The following HMCN1 variants were observed in gnomAD, a reference collection of about 807,000 sequenced individuals.
HMCN1 encodes the protein hemicentin-1.
A neutral mutation model predicts 625.9 loss-of-function variants in HMCN1; 321 were observed. That is an observed-to-expected ratio of 0.51 (90% CI 0.47 to 0.56). The LOEUF is 0.56. HMCN1 is among the 20% of genes least tolerant of loss of function. The pLI, the probability that HMCN1 is intolerant of heterozygous loss-of-function variation, is 0.00. For missense variants in HMCN1, 6,588 were observed against 6,887.3 expected, an observed-to-expected ratio of 0.96 and a Z score of 1.54; for synonymous variants, 2,425 against 2,417.6, an observed-to-expected ratio of 1.00 and a Z score of -0.09.
chr1:186,142,832 C>A (rs933439067), intron 89 of HMCN1, among the ~76,000 whole-genome samples: 3 of 152,116 alleles, frequency 2.0e-5, no homozygotes, highest in African/African-American at 7.2e-5. Context: ...TGTTAACCCT[C>A]CAATTAAAAA....
chr1:185,942,547 G>C (rs1168399702), intron 11 of HMCN1, among the ~76,000 whole-genome samples: 2 of 152,126 alleles, frequency 1.3e-5, no homozygotes, highest in Admixed American at 6.5e-5. Context: ...TAAAATTTTG[G>C]GAGTTCATAT....
intron 19 of HMCN1, among the ~76,000 whole-genome samples, chr1:185,986,190 A>C (rs1651987832): frequency 6.6e-6 from 1 of 152,194 alleles, no homozygotes; most frequent in Non-Finnish European, 1.5e-5. Context: ...AAATTATCTA[A>C]AGAGTGAACC....
intron 105 of HMCN1, among the ~76,000 whole-genome samples, chr1:186,183,727 A>G (rs1452874602): frequency 6.6e-6 from 1 of 152,200 alleles, no homozygotes; most frequent in Non-Finnish European, 1.5e-5. Flanking sequence ...AATCAAGAGC[A>G]GAGGTAGGAC....
At chr1:186,159,789 A>G (rs181669889) in intron 97 of HMCN1, among the ~76,000 whole-genome samples, 1 of 152,290 alleles carries the variant, frequency 6.6e-6, no homozygotes, top group African/African-American at 2.4e-5. Context: ...CATGGTGGAT[A>G]AGCTTTTTGA....
At chr1:185,908,127 C>T (rs1408930248) in intron 4 of HMCN1, among the ~76,000 whole-genome samples, 3 of 151,322 alleles carry the variant, frequency 2.0e-5, no homozygotes. Context: ...CCTGGAAAAC[C>T]ATCTTGAACA....
At chr1:185,742,414 T>G (rs1654051530) in intron 1 of HMCN1, among the ~76,000 whole-genome samples, 1 of 143,220 alleles carries the variant, frequency 7.0e-6, no homozygotes, top group South Asian at 2.2e-4. Flanking sequence ...AAGAAATTCC[T>G]CCAGGACTTT....
At chr1:186,176,853 G>T (rs2102650371) in intron 103 of HMCN1, 1 of 152,500 alleles carries the variant, frequency 6.6e-6, no homozygotes, top group Admixed American at 6.5e-5. Flanking sequence ...GATCCAGGCA[G>T]CCTCTCTGAG....
rs756329481 is a variant in HMCN1 at position 186,187,959 on chromosome 1, G to C, written c.16491G>C (p.Gln5497His). The C allele has an allele frequency of 6.2e-7, 1 of 1,613,842 alleles. No individual in the cohort carries two copies. The highest frequency in any genetic ancestry group is 8.5e-7 in the Non-Finnish European group (1 of 1,179,812). ...GCTTCAACATGAGAGGAAGCTACCA[G>C]TGCATCGATACACCCTGTCCACCCA... is the stretch of plus-strand genomic sequence containing the variant. ...RMCFNMRGSY[Q>H]CIDTPCPPNY... The change falls in exon 106 of 107, where the codon CAG becomes CAC. Residue 5497 changes from glutamine to histidine, a missense_variant. By Grantham distance (24) the Gln-to-His change is conservative (BLOSUM62 0). This residue lies in a region of HMCN1 where 1,954 missense variants were observed against 2,013.1 expected (regional missense o/e 0.97). Coordinates refer to ENST00000271588, the MANE Select transcript of HMCN1 (RefSeq NM_031935.3).
chr1:186,052,148 G>A (rs899471242), intron 42 of HMCN1, among the ~76,000 whole-genome samples: 2 of 151,942 alleles, frequency 1.3e-5, no homozygotes, highest in African/African-American at 4.8e-5. Flanking sequence ...TAAAAAGAGA[G>A]AGAGAGAGAG....
intron 28 of HMCN1, among the ~76,000 whole-genome samples, chr1:186,003,235 T>C (rs1571697762): frequency 6.6e-6 from 1 of 152,132 alleles, no homozygotes; most frequent in Non-Finnish European, 1.5e-5. Flanking sequence ...GAATAAAAAC[T>C]AGCACATTAT....
In HMCN1 at chr1:186,145,407, T is replaced by C. The variant is rs779330913; in HGVS notation, c.14271T>C (p.His4757=). Residue 4757 remains histidine, a synonymous_variant, in exon 92 of 107, where the codon CAT becomes CAC. Transcript: ENST00000271588. ...DFCNSDPCPT[H]GNWSPWSGWG... is the part of the protein sequence containing the mutation. Reference sequence around the variant, plus strand: ...TCAGATTATTCTGTCTTGTAGCCCATGGTAACTGGAGTCCTTGGAGTGGCT... The same window carrying C: ...TCAGATTATTCTGTCTTGTAGCCCACGGTAACTGGAGTCCTTGGAGTGGCT... The C allele has an allele frequency of 3.2e-6, 5 of 1,573,392 alleles. No homozygotes were observed. The South Asian group carries it at 3.6e-5, about 11-fold the overall frequency.
At chr1:185,783,157 A>G (rs1161555930) in intron 1 of HMCN1, among the ~76,000 whole-genome samples, 2 of 152,106 alleles carry the variant, frequency 1.3e-5, no homozygotes, top group Non-Finnish European at 2.9e-5. Flanking sequence ...AAGCTTGTGC[A>G]TTCGTCACGT....
chr1:185,830,860 C>T (rs188495584), intron 1 of HMCN1, among the ~76,000 whole-genome samples: 1 of 151,924 alleles, frequency 6.6e-6, no homozygotes, highest in Non-Finnish European at 1.5e-5. Context: ...TGCACTCCAG[C>T]CTGGGTGACA....
chr1:185,942,858 A>G (rs1300460680), intron 11 of HMCN1, among the ~76,000 whole-genome samples: 1 of 152,132 alleles, frequency 6.6e-6, no homozygotes, highest in African/African-American at 2.4e-5. Context: ...TCCCATAACC[A>G]CTTATTCAGG....
chr1:185,961,082 T>C (rs1649986531), intron 11 of HMCN1, among the ~76,000 whole-genome samples: 1 of 152,094 alleles, frequency 6.6e-6, no homozygotes, highest in South Asian at 2.1e-4. Context: ...AAACATTAAC[T>C]TCAAAGACTA....
intron 19 of HMCN1, among the ~76,000 whole-genome samples, chr1:185,986,826 C>CA (rs1239432106): frequency 0.098 from 5,855 of 59,890 alleles, 424 homozygotes; most frequent in African/African-American, 0.24. Flanking sequence ...GACCCTGTCT[C>CA]AAAAAAAAAA....
At chr1:185,874,329 A>G (rs1663804366) in intron 4 of HMCN1, among the ~76,000 whole-genome samples, 1 of 152,006 alleles carries the variant, frequency 6.6e-6, no homozygotes. Flanking sequence ...CAAGGACCAT[A>G]TAGTTTTGGC....
intron 19 of HMCN1, among the ~76,000 whole-genome samples, chr1:185,984,633 A>C (rs1220637335): frequency 6.6e-6 from 1 of 152,188 alleles, no homozygotes; most frequent in Non-Finnish European, 1.5e-5. Flanking sequence ...AGCTGAACTC[A>C]TTATACCCTC....
At chr1:186,014,735 T>A (rs185191460) in intron 30 of HMCN1, among the ~76,000 whole-genome samples, 5 of 152,272 alleles carry the variant, frequency 3.3e-5, no homozygotes, top group Non-Finnish European at 7.4e-5. Context: ...TATGAATAGC[T>A]GGTTCTGAAA....
Sources: gnomAD v4.1 joint callset for allele counts (sites outside exome capture counted in the v4.1 genomes callset) on GRCh38, gnomAD v4.1.1 for gene constraint, gnomAD v4.1.1 regional missense constraint, MANE v1.5 for transcripts, NCBI Gene and HGNC (gene_info 2026-07-23, HGNC 2026-07-21) for gene names.